Variants in TFRC observed in about 807,000 individuals in gnomAD.
The protein encoded by TFRC is transferrin receptor protein 1.
In TFRC, 35 loss-of-function variants were observed where a neutral mutation model predicts 85.8. That is an observed-to-expected ratio of 0.41 (90% CI 0.31 to 0.54). The LOEUF (loss-of-function observed/expected upper bound fraction) is 0.54. Among genes scored for constraint, TFRC ranks in the 20% least tolerant of loss-of-function variants. The pLI, the probability that TFRC is intolerant of heterozygous loss-of-function variation, is 0.31. For missense variants in TFRC, 828 were observed against 921.5 expected, an observed-to-expected ratio of 0.90 and a Z score of 1.31; for synonymous variants, 362 against 328.6, an observed-to-expected ratio of 1.10 and a Z score of -1.10.
chr3:196,055,884 C>T (rs969979257), intron 16 of TFRC, among the ~76,000 whole-genome samples: 1 of 151,178 alleles, frequency 6.6e-6, no homozygotes, highest in Non-Finnish European at 1.5e-5. Flanking sequence ...GTCACCCAGG[C>T]TGGAGTGCAG....
intron 5 of TFRC, 70 bp from the exon 6 acceptor site, chr3:196,071,568 T>C: frequency 4.9e-6 from 7 of 1,425,810 alleles, no homozygotes; most frequent in South Asian, 4.6e-5. Context: ...TTACATTTAG[T>C]ATGTCTTGCA....
Position 196,051,844 on chromosome 3 carries a change from C to A in TFRC, c.*98G>T. 1 of 1,420,042 alleles carries A rather than the reference C, an allele frequency of 7.0e-7. No individual in the cohort carries two copies. The highest frequency in any genetic ancestry group is 1.4e-5 in the South Asian group (1 of 73,774). The allele number at this position is 1,420,042 out of a possible 1,614,324, so 88.0% of individuals were successfully genotyped here. A position where few individuals can be genotyped will look rare whatever the true frequency, so the allele number is the denominator to read the frequency against. On this transcript the variant is annotated 3_prime_UTR_variant, in exon 19 of 19. Transcript: ENST00000360110. ...CCAAGATGATGGGATGGAATTTTAA[C>A]ATCAGGTTTTGTAGCCCTACTGAAA...
chr3:196,074,235 T>C, intron 3 of TFRC, 110 bp from the exon 4 acceptor site: 1 of 1,046,502 alleles, frequency 9.6e-7, no homozygotes, highest in South Asian at 1.7e-5. Context: ...TTCATCAAAT[T>C]CTAAGTAGTT....
intron 13 of TFRC, chr3:196,062,357 C>G: frequency 2.0e-6 from 1 of 499,094 alleles, no homozygotes; most frequent in Non-Finnish European, 3.6e-6. Flanking sequence ...CATAGTGAAG[C>G]CCTGTCTCTA....
At chr3:196,068,195 G>A (rs1213687347) in intron 7 of TFRC, 65 bp from the exon 8 acceptor site, 1 of 1,233,266 alleles carries the variant, frequency 8.1e-7, no homozygotes, top group Non-Finnish European at 1.2e-6. Context: ...AATACATCCT[G>A]GACATTATGC....
intron 3 of TFRC, among the ~76,000 whole-genome samples, chr3:196,074,878 CAAAA>C (rs34596231): frequency 1.0e-5 from 1 of 98,748 alleles, no homozygotes; most frequent in African/African-American, 4.0e-5. Context: ...GACTCCAACT[CAAAA>C]AAAAAAAAAA....
In TFRC at chr3:196,055,284, A is replaced by G. The variant is rs746444931; in HGVS notation, c.1695T>C (p.Tyr565=). The G allele has an allele frequency of 1.9e-6, 3 of 1,614,206 alleles. No homozygotes were observed. The highest frequency in any genetic ancestry group is 2.5e-6 in the Non-Finnish European group (3 of 1,179,996). The part of the protein sequence containing the change: ...FCFCEDTDYP[Y]LGTTMDTYKE... Reference sequence around the variant, plus strand: ...TATAGGTGTCCATGGTGGTACCCAAATAAGGATAATCTGTGTCCTGCAAGA... The same window carrying G: ...TATAGGTGTCCATGGTGGTACCCAAGTAAGGATAATCTGTGTCCTGCAAGA... Residue 565 remains tyrosine (Y), a synonymous_variant, in exon 17 of 19, where the codon TAT becomes TAC. Coordinates refer to ENST00000360110, the MANE Select transcript of TFRC (RefSeq NM_001128148.3).
intron 13 of TFRC, among the ~76,000 whole-genome samples, chr3:196,061,246 G>A (rs1337669155): frequency 6.6e-6 from 1 of 152,166 alleles, no homozygotes; most frequent in Non-Finnish European, 1.5e-5. Flanking sequence ...TTCTATCAGT[G>A]ATGCCACAAC....
Position 196,072,166 on chromosome 3 carries a change from T to C in TFRC, c.435-14A>G, listed in dbSNP as rs1718270573. 3 of 1,610,170 alleles carry C rather than the reference T, an allele frequency of 1.9e-6. No homozygotes were observed. Among genetic ancestry groups the C allele is most frequent in the Non-Finnish European group, 8.5e-7 (1 of 1,179,262 alleles). The stretch of plus-strand genomic sequence containing the variant: ...TCATTCAGCAGCCTGGAGGAGAAAA[T>C]GCCTTTTAAATGAACTTAAGTTTAC... On this transcript the variant is annotated splice_polypyrimidine_tract_variant and intron_variant, in intron 4 of 18. Coordinates refer to ENST00000360110, the MANE Select transcript of TFRC (RefSeq NM_001128148.3).
In TFRC at chr3:196,055,601, T is replaced by C. The variant is rs890470135; in HGVS notation, c.1678-300A>G. 3 of 414,562 alleles carry C rather than the reference T, an allele frequency of 7.2e-6. No individual in the cohort carries two copies. In the East Asian group the frequency reaches 1.4e-4, roughly 19 times the overall value. 25.7% of individuals were successfully genotyped at this position (414,562 alleles called of 1,614,324 possible). A position where few individuals can be genotyped will look rare whatever the true frequency, so the allele number is the denominator to read the frequency against. Reference sequence around the variant, plus strand: ...CCAAATTCCTTAAGGCTGTATGTTTTTCTCTCTGGGAAGTTTGGGCCTTTA... The same window carrying C: ...CCAAATTCCTTAAGGCTGTATGTTTCTCTCTCTGGGAAGTTTGGGCCTTTA... On this transcript the variant is annotated intron_variant, in intron 16 of 18. Coordinates refer to ENST00000360110, the MANE Select transcript of TFRC (RefSeq NM_001128148.3).
In TFRC at chr3:196,053,476, C is replaced by A. The variant is rs535259536; in HGVS notation, c.1982G>T (p.Gly661Val). The A allele has an allele frequency of 1.9e-6, 3 of 1,614,162 alleles. No homozygotes were observed. The highest frequency in any genetic ancestry group is 3.3e-4 in the Middle Eastern group (2 of 6,062). The change falls in exon 18 of 19, where the codon GGG becomes GTG. Residue 661 changes from glycine (G) to valine (V), a missense_variant. Transcript: ENST00000360110. The part of the protein sequence containing the change: ...RATSRLTTDF[G>V]NAEKTDRFVM... ...AAATCTGTCTGTTTTCTCAGCATTCCCGAAATCTGTTGTTAGTCTGGAAGT... is the reference window on the plus strand; with the variant it reads ...AAATCTGTCTGTTTTCTCAGCATTCACGAAATCTGTTGTTAGTCTGGAAGT...
At chr3:196,069,751 G>T in intron 6 of TFRC, 183 bp from the exon 7 acceptor site, 3 of 484,236 alleles carry the variant, frequency 6.2e-6, no homozygotes, top group Non-Finnish European at 1.1e-5. Flanking sequence ...CAGAGCTATT[G>T]GAATAAAATC....
intron 1 of TFRC, among the ~76,000 whole-genome samples, chr3:196,081,004 CG>C (rs1719124169): frequency 6.6e-6 from 1 of 152,254 alleles, no homozygotes; most frequent in East Asian, 1.9e-4. Context: ...TCCAGTCCCC[CG>C]GGTAAGTGAG....
At chr3:196,070,874 G>C (rs888352412) in intron 6 of TFRC, among the ~76,000 whole-genome samples, 15 of 151,920 alleles carry the variant, frequency 9.9e-5, no homozygotes, top group African/African-American at 3.4e-4. Flanking sequence ...CCTGGGTGGT[G>C]GTGGAGAATG....
In TFRC at chr3:196,065,417, CGGGGGGGGGGGG is replaced by C. The variant is rs55639089; in HGVS notation, c.1198+14_1198+25del. ...AAAAGAAAACAAAAAAAAAGCGGGG[CGGGGGGGGGGGG>C]GGGCGGTCTTTACCTGGTTCTACAA... On this transcript the variant is annotated intron_variant, in intron 10 of 18. Transcript: ENST00000360110. 1 of 333,770 alleles carries C rather than the reference CGGGGGGGGGGGG, an allele frequency of 3.0e-6. No homozygotes were observed. Among genetic ancestry groups the C allele is most frequent in the Non-Finnish European group, 4.0e-6 (1 of 250,342 alleles). The allele number at this position is 333,770 out of a possible 1,614,324, so 20.7% of individuals were successfully genotyped here.
chr3:196,060,431 T>C (rs1717172829), intron 13 of TFRC, 184 bp from the exon 14 acceptor site: 5 of 596,100 alleles, frequency 8.4e-6, no homozygotes, highest in Non-Finnish European at 1.5e-5. Context: ...GCAACTAAGC[T>C]AACTTCACTC....
rs1716651740 is a variant in TFRC at position 196,055,018 on chromosome 3, C to T, written c.1899+62G>A. The T allele has an allele frequency of 4.0e-6, 6 of 1,485,754 alleles. No homozygotes were observed. In the East Asian group the frequency reaches 9.0e-5, roughly 22 times the overall value. The allele number at this position is 1,485,754 out of a possible 1,614,324, so 92.0% of individuals were successfully genotyped here. A position where few individuals can be genotyped will look rare whatever the true frequency, so the allele number is the denominator to read the frequency against. ...CTTCCAACAGGAACACACAGGAACA[C>T]ATCACATTTCAAAATACTTGACATT... On this transcript the variant is annotated intron_variant, in intron 17 of 18. Transcript: ENST00000360110.
At chr3:196,070,901 C>T (rs1213524861) in intron 6 of TFRC, among the ~76,000 whole-genome samples, 3 of 152,008 alleles carry the variant, frequency 2.0e-5, no homozygotes, top group East Asian at 1.9e-4. Flanking sequence ...GCCAAGCTCA[C>T]GCCACTGCAC....
At chr3:196,062,370 A>C in intron 13 of TFRC, 1 of 521,264 alleles carries the variant, frequency 1.9e-6, no homozygotes, top group Non-Finnish European at 3.4e-6. Context: ...TGTCTCTACT[A>C]AAAATACAAA....
Sources: allele counts gnomAD v4.1 joint callset (sites outside exome capture counted in the v4.1 genomes callset), GRCh38; gene constraint gnomAD v4.1.1; transcripts MANE v1.5; gene names NCBI Gene and HGNC (gene_info 2026-07-23, HGNC 2026-07-21).